Variants in CCSER1 observed in about 807,000 individuals in gnomAD.
CCSER1 encodes serine-rich coiled-coil domain-containing protein 1.
CCSER1 carries 41 observed loss-of-function variants against 82.0 expected under a neutral mutation model. That is an observed-to-expected ratio of 0.50 (90% CI 0.39 to 0.65). The LOEUF is 0.65. Ranked by LOEUF, CCSER1 falls within the 30% of genes least tolerant of loss-of-function variation. The pLI is 0.00. For missense variants in CCSER1, 1,119 were observed against 1,064.2 expected, an observed-to-expected ratio of 1.05 and a Z score of -0.72; for synonymous variants, 414 against 383.9, an observed-to-expected ratio of 1.08 and a Z score of -0.92.
chr4:90,435,540 G>A (rs768236860), intron 4 of CCSER1, among the ~76,000 whole-genome samples: 4 of 152,048 alleles, frequency 2.6e-5, no homozygotes, highest in Non-Finnish European at 5.9e-5. Context: ...GAATAATAGA[G>A]TAATAGCATT....
intron 10 of CCSER1, among the ~76,000 whole-genome samples, chr4:91,482,896 A>C (rs545029720): frequency 1.2e-3 from 180 of 152,220 alleles, no homozygotes; most frequent in African/African-American, 4.2e-3. Flanking sequence ...TTGAACAATG[A>C]GAACACTTGG....
chr4:91,147,228 G>C (rs753958222), intron 10 of CCSER1, among the ~76,000 whole-genome samples: 5 of 152,178 alleles, frequency 3.3e-5, no homozygotes, highest in Admixed American at 6.6e-5. Flanking sequence ...TGTGCAACTG[G>C]TGTGGCACTA....
At chr4:90,624,157 T>C (rs1722869065) in intron 5 of CCSER1, among the ~76,000 whole-genome samples, 1 of 152,226 alleles carries the variant, frequency 6.6e-6, no homozygotes, top group African/African-American at 2.4e-5. Flanking sequence ...AGTTACATTA[T>C]AAAGTGTAAA....
intron 10 of CCSER1, among the ~76,000 whole-genome samples, chr4:91,492,024 T>A (rs1181569537): frequency 6.6e-6 from 1 of 151,800 alleles, no homozygotes; most frequent in Non-Finnish European, 1.5e-5. Flanking sequence ...AAAGTGGTAT[T>A]TATGAATTTT....
chr4:91,257,003 C>T (rs577880852), intron 10 of CCSER1, among the ~76,000 whole-genome samples: 102 of 152,238 alleles, frequency 6.7e-4, no homozygotes, highest in Middle Eastern at 3.4e-3. Context: ...TATTCTGTCA[C>T]TTTATGAAGA....
chr4:90,673,238 C>A (rs1039669794), intron 6 of CCSER1, among the ~76,000 whole-genome samples: 1 of 151,864 alleles, frequency 6.6e-6, no homozygotes, highest in Non-Finnish European at 1.5e-5. Flanking sequence ...CAATATTCAA[C>A]TATTATGGAA....
rs72877005 is a variant in CCSER1, at chr4:91,238,519, T to C, written c.2217+152525T>C. ...GTGAGATAATAACTTTTTTATTTTA[T>C]AAGCCTCTAAAATGGTGGTAGTTTG... is the stretch of plus-strand genomic sequence containing the variant. On this transcript the variant is annotated intron_variant, in intron 10 of 10. Coordinates refer to ENST00000509176, the MANE Select transcript of CCSER1 (RefSeq NM_001145065.2). Among the ~76,000 whole-genome samples the C allele has an allele frequency of 5.4e-3, 819 of 152,330 alleles. 3 individuals carry two copies. The highest frequency in any genetic ancestry group is 0.019 in the African/African-American group (778 of 41,580).
At chr4:91,309,794 C>T (rs184386067) in intron 10 of CCSER1, among the ~76,000 whole-genome samples, 1 of 151,916 alleles carries the variant, frequency 6.6e-6, no homozygotes, top group East Asian at 2.0e-4. Context: ...GAATATCTTG[C>T]CAATGTGAAT....
Position 91,414,338 on chromosome 4 carries a change from AAGTTG to A in CCSER1, c.2218-184233_2218-184229del, listed in dbSNP as rs1402698303. On this transcript the variant is annotated intron_variant, in intron 10 of 10. Coordinates refer to ENST00000509176, the MANE Select transcript of CCSER1 (RefSeq NM_001145065.2). ...AGAGTTCTTCCATGCAATTGAAGTT[AAGTTG>A]TTATTTGCTTAAAATAAAATTTTAT... Among the ~76,000 whole-genome samples, 6 of 152,246 alleles carry A rather than the reference AAGTTG, an allele frequency of 3.9e-5. 1 individual carries two copies. Among genetic ancestry groups the A allele is most frequent in the Middle Eastern group, 6.8e-3 (2 of 294 alleles).
At chr4:90,192,779 A>G (rs1735900629) in intron 1 of CCSER1, among the ~76,000 whole-genome samples, 1 of 152,062 alleles carries the variant, frequency 6.6e-6, no homozygotes, top group East Asian at 1.9e-4. Context: ...GTTAGTAAAA[A>G]AATTTGTGTG....
intron 10 of CCSER1, among the ~76,000 whole-genome samples, chr4:91,355,362 A>T (rs978583035): frequency 1.3e-5 from 2 of 152,100 alleles, no homozygotes; most frequent in African/African-American, 4.8e-5. Flanking sequence ...TGTCACCTAG[A>T]AAAGGACCAG....
intron 1 of CCSER1, among the ~76,000 whole-genome samples, chr4:90,169,125 A>G (rs900591779): frequency 6.6e-6 from 1 of 151,934 alleles, no homozygotes; most frequent in South Asian, 2.1e-4. Flanking sequence ...ATGTTCTTCC[A>G]TTTGTTTGTG....
chr4:91,223,817 A>T (rs930725527), intron 10 of CCSER1, among the ~76,000 whole-genome samples: 4 of 152,138 alleles, frequency 2.6e-5, no homozygotes, highest in Admixed American at 2.6e-4. Flanking sequence ...TAATATAGAC[A>T]CCAATCACGT....
chr4:90,671,574 T>TA (rs1732810473), intron 6 of CCSER1, among the ~76,000 whole-genome samples: 1 of 152,056 alleles, frequency 6.6e-6, no homozygotes, highest in Non-Finnish European at 1.5e-5. Flanking sequence ...CATCTGCTGT[T>TA]ACTTCCTCTC....
chr4:90,191,976 T>C (rs1474656770), intron 1 of CCSER1, among the ~76,000 whole-genome samples: 2 of 152,022 alleles, frequency 1.3e-5, no homozygotes, highest in Non-Finnish European at 2.9e-5. Context: ...AAACAACATA[T>C]AAAAGACTTC....
intron 10 of CCSER1, among the ~76,000 whole-genome samples, chr4:91,446,406 G>A (rs922613904): frequency 2.0e-5 from 3 of 151,862 alleles, no homozygotes; most frequent in Non-Finnish European, 4.4e-5. Context: ...GAAGATTTAC[G>A]TATTGGCAGA....
chr4:90,437,945 A>G (rs1331855065), intron 4 of CCSER1, among the ~76,000 whole-genome samples: 2 of 152,158 alleles, frequency 1.3e-5, no homozygotes, highest in Non-Finnish European at 2.9e-5. Context: ...GGACTTTGAG[A>G]TAAGAGAGGC....
At chr4:91,250,944 TACG>T (rs945852856) in intron 10 of CCSER1, among the ~76,000 whole-genome samples, 9 of 152,144 alleles carry the variant, frequency 5.9e-5, no homozygotes, top group African/African-American at 1.7e-4. Flanking sequence ...CATTAAAAAT[TACG>T]ACAATAGTGA....
intron 7 of CCSER1, among the ~76,000 whole-genome samples, chr4:90,748,386 A>G (rs1364100316): frequency 6.6e-6 from 1 of 150,972 alleles, no homozygotes; most frequent in Non-Finnish European, 1.5e-5. Context: ...TTATGGCTGC[A>G]TAGTATTCCA....
Sources: gnomAD v4.1 joint callset for allele counts (sites outside exome capture counted in the v4.1 genomes callset) on GRCh38, gnomAD v4.1.1 for gene constraint, MANE v1.5 for transcripts, NCBI Gene and HGNC (gene_info 2026-07-23, HGNC 2026-07-21) for gene names.